PLBD2: variants seen among roughly 807,000 people sequenced by gnomAD.
The protein encoded by PLBD2 is phospholipase B domain containing 2.
Under a neutral mutation model 68.3 loss-of-function variants are expected in PLBD2, and 51 were observed. The observed-to-expected ratio is 0.75, with a 90% confidence interval of 0.60 to 0.94. The LOEUF (loss-of-function observed/expected upper bound fraction) is 0.94, where lower values mean the gene tolerates loss of function less well. Among genes scored for constraint, PLBD2 ranks in the 40% least tolerant of loss-of-function variants. PLBD2 has a pLI of 0.00. For missense variants in PLBD2, 729 were observed against 792.2 expected (o/e 0.92, Z 0.96); for synonymous variants, 314 against 339.3 (o/e 0.93, Z 0.82).
chr12:113,364,310 G>A (rs933245656), intron 1 of PLBD2, among the ~76,000 whole-genome samples: 1 of 152,202 alleles, frequency 6.6e-6, no homozygotes, highest in East Asian at 1.9e-4. Context: ...ACTGGGGCTC[G>A]CGGCTGCACA....
At chr12:113,369,935 TG>T (rs1213264947) in intron 2 of PLBD2, among the ~76,000 whole-genome samples, 1 of 152,038 alleles carries the variant, frequency 6.6e-6, no homozygotes, top group Non-Finnish European at 1.5e-5. Flanking sequence ...AGTCTTGCTC[TG>T]TCACCCAGGC....
chr12:113,382,560 C>G (rs985817231), intron 6 of PLBD2, among the ~76,000 whole-genome samples: 1 of 151,662 alleles, frequency 6.6e-6, no homozygotes, highest in African/African-American at 2.4e-5. Context: ...CCTCCCATCT[C>G]AGCCTCCCAA....
chr12:113,386,911 T>C, intron 9 of PLBD2, 26 bp from the exon 10 acceptor site: 1 of 1,610,364 alleles, frequency 6.2e-7, no homozygotes, highest in Non-Finnish European at 8.5e-7. Context: ...GTGGGGGTCA[T>C]GGGTGACCAT....
Position 113,372,947 on chromosome 12 carries a change from C to T in PLBD2, c.543+140C>T, listed in dbSNP as rs932120479. ...CATCATCATCTCCATCCCTCCTAGCCGACCTGCCACTCATCCATCTGCCCA... is the reference window on the plus strand; with the variant it reads ...CATCATCATCTCCATCCCTCCTAGCTGACCTGCCACTCATCCATCTGCCCA... On this transcript the variant is annotated intron_variant, in intron 3 of 11. Transcript: ENST00000280800. This position sits in a 1 kb window ranked among gnomAD's most constrained non-coding sequence, Gnocchi z 4.2. 7.6e-6 allele frequency: 7 copies of T among 924,094 alleles called. No homozygotes were observed. In the Admixed American group the frequency reaches 1.1e-4, roughly 15 times the overall value. 57.2% of individuals were successfully genotyped at this position (924,094 alleles called of 1,614,324 possible). A position where few individuals can be genotyped will look rare whatever the true frequency, so the allele number is the denominator to read the frequency against.
chr12:113,383,996 C>T, intron 6 of PLBD2, 109 bp from the exon 7 acceptor site: 1 of 490,516 alleles, frequency 2.0e-6, no homozygotes, highest in Non-Finnish European at 2.9e-6. Flanking sequence ...GACTCTATCT[C>T]AAAAAAAAAA....
At position 113,384,085 on chromosome 12, in the gene PLBD2, C is replaced by T; in HGVS notation, c.958-20C>T. 1.9e-6 allele frequency: 3 copies of T among 1,576,278 alleles called. No individual in the cohort carries two copies. The highest frequency in any genetic ancestry group is 1.7e-6 in the Non-Finnish European group (2 of 1,156,656). ...GCAGCATGCCTAGGCTGTGCAGCAG[C>T]CCCCTTGACCTTCCCACAGGTGACA... On this transcript the variant is annotated intron_variant, in intron 6 of 11. Coordinates refer to ENST00000280800, the MANE Select transcript of PLBD2 (RefSeq NM_173542.4). This position sits in a 1 kb window ranked among gnomAD's most constrained non-coding sequence, Gnocchi z 4.2.
chr12:113,377,345 G>A (rs1957444845), intron 5 of PLBD2, among the ~76,000 whole-genome samples: 1 of 152,124 alleles, frequency 6.6e-6, no homozygotes, highest in East Asian at 1.9e-4. Flanking sequence ...AACATTCCCA[G>A]CCCCTAGAAG....
At chr12:113,374,767 C>T (rs1264649770) in intron 4 of PLBD2, 26 bp from the exon 5 acceptor site, 1 of 1,612,250 alleles carries the variant, frequency 6.2e-7, no homozygotes, top group Non-Finnish European at 8.5e-7. Flanking sequence ...GGCGTGGTAA[C>T]CCTCTGATGC....
Position 113,384,816 on chromosome 12 carries a change from G to C in PLBD2, c.1119-35G>C, listed in dbSNP as rs1326878578. ...GGGGAAAGCTGGGGAGGTGGCTCCA[G>C]GCTCTGTTCAGTCCTCCCTTCCCCT... On this transcript the variant is annotated intron_variant, in intron 7 of 11. Coordinates refer to ENST00000280800, the MANE Select transcript of PLBD2 (RefSeq NM_173542.4). The surrounding 1 kb of genome is among the most constrained non-coding windows in gnomAD (Gnocchi z 4.2). The C allele has an allele frequency of 3.2e-6, 5 of 1,584,076 alleles. No individual in the cohort carries two copies. In the East Asian group the frequency reaches 1.1e-4, roughly 36 times the overall value.
chr12:113,377,102 C>A (rs1237624297), intron 5 of PLBD2: 1 of 152,226 alleles, frequency 6.6e-6, no homozygotes, highest in East Asian at 1.9e-4. Flanking sequence ...AGTGATCCAG[C>A]AATTCTCTGA....
intron 11 of PLBD2, 135 bp from the exon 12 acceptor site, chr12:113,388,324 A>G: frequency 1.2e-6 from 1 of 856,742 alleles, no homozygotes; most frequent in Non-Finnish European, 1.7e-6. Flanking sequence ...CCTGGGTGAC[A>G]GAGCAGAGAC....
chr12:113,374,478 G>T lies in PLBD2; in HGVS notation c.548G>T (p.Arg183Leu). ...NPDSPYWHQVRLTLLQLKGLE... is the reference protein window; with the variant it reads ...NPDSPYWHQVLLTLLQLKGLE... ...TGCCCCCGCCCCCTCCCCTAGGTGC[G>T]GCTGACCCTCCTGCAGCTGAAAGGC... The change falls in exon 4 of 12, where the codon CGG (arginine) becomes CTG (leucine). Residue 183 changes from arginine (R) to leucine (L), a missense_variant. Arg to Leu is a moderately radical substitution (Grantham distance 102). Transcript: ENST00000280800. 6.3e-7 allele frequency: 1 copy of T among 1,593,994 alleles called. No individual in the cohort carries two copies. Among genetic ancestry groups the T allele is most frequent in the Non-Finnish European group, 8.5e-7 (1 of 1,170,678 alleles).
At chr12:113,360,718 C>A (rs146115117) in intron 1 of PLBD2, among the ~76,000 whole-genome samples, 1 of 152,174 alleles carries the variant, frequency 6.6e-6, no homozygotes, top group East Asian at 1.9e-4. Context: ...TGCAGGGGCA[C>A]GATATTGGCT....
At position 113,390,778 on chromosome 12, in the gene PLBD2, A is replaced by G. The variant is rs1215227771; in HGVS notation, c.*2152A>G. The G allele has an allele frequency of 6.7e-6, 1 of 149,754 alleles. No homozygotes were observed. Among genetic ancestry groups the G allele is most frequent in the East Asian group, 2.0e-4 (1 of 4,988 alleles). The allele number at this position is 149,754 out of a possible 1,614,324, so 9.3% of individuals were successfully genotyped here. On this transcript the variant is annotated 3_prime_UTR_variant, in exon 12 of 12. Coordinates refer to ENST00000280800, the MANE Select transcript of PLBD2 (RefSeq NM_173542.4). ...TTTATCCACCCATCCAACCATTTCC[A>G]TCTGTTCATTTCCATCCATCTACCC...
intron 1 of PLBD2, among the ~76,000 whole-genome samples, chr12:113,362,668 A>G (rs185551464): frequency 3.7e-4 from 56 of 152,218 alleles, no homozygotes; most frequent in African/African-American, 1.3e-3. Context: ...AGTGCATTAA[A>G]AACAAAGGAG....
At chr12:113,383,422 A>T (rs1241706147) in intron 6 of PLBD2, among the ~76,000 whole-genome samples, 2 of 152,094 alleles carry the variant, frequency 1.3e-5, no homozygotes, top group South Asian at 4.1e-4. Context: ...GGTGGGGAAC[A>T]CGTGCCTCAA....
chr12:113,371,619 G>A (rs1384944224), intron 2 of PLBD2, among the ~76,000 whole-genome samples: 1 of 152,242 alleles, frequency 6.6e-6, no homozygotes, highest in Non-Finnish European at 1.5e-5. Context: ...GGACACTGAG[G>A]CAAGGCCACA....
chr12:113,374,339 G>T, intron 3 of PLBD2, 135 bp from the exon 4 acceptor site: 1 of 624,130 alleles, frequency 1.6e-6, no homozygotes, highest in South Asian at 1.9e-5. Context: ...AGTCAAGGCT[G>T]GCTGGAGTCT....
intron 1 of PLBD2, 29 bp downstream of exon 1, chr12:113,358,919 C>A: frequency 6.7e-7 from 1 of 1,490,484 alleles, no homozygotes; most frequent in South Asian, 1.3e-5. Flanking sequence ...CCACGCGGGG[C>A]CATCGGGGGA....
Sources: gnomAD v4.1 joint callset for allele counts (sites outside exome capture counted in the v4.1 genomes callset) on GRCh38, gnomAD v4.1.1 for gene constraint, Gnocchi (gnomAD v3.1) non-coding constraint, MANE v1.5 for transcripts, NCBI Gene and HGNC (gene_info 2026-07-23, HGNC 2026-07-21) for gene names.